OXR1: variants seen among roughly 807,000 people sequenced by gnomAD.
OXR1 encodes the protein oxidation resistance protein 1.
In OXR1, 41 loss-of-function variants were observed where a neutral mutation model predicts 104.6. The ratio of observed to expected loss-of-function variants is 0.39; its 90% CI spans 0.31 to 0.51. The LOEUF (loss-of-function observed/expected upper bound fraction) is 0.51, where lower values mean the gene tolerates loss of function less well. Ranked by LOEUF, OXR1 falls within the 20% of genes least tolerant of loss-of-function variation. The pLI is 0.77. For synonymous variants in OXR1, 348 were observed against 348.4 expected (o/e 1.00, Z 0.01); for missense variants, 955 against 1,031.9 (o/e 0.93, Z 1.02).
At chr8:106,433,588 T>C (rs747854646) in intron 2 of OXR1, among the ~76,000 whole-genome samples, 2 of 152,184 alleles carry the variant, frequency 1.3e-5, no homozygotes, top group Admixed American at 6.5e-5. Flanking sequence ...GTTCCGTCTA[T>C]GCCCAGGAAT....
chr8:106,654,449 A>C (rs1185077403), intron 3 of OXR1, among the ~76,000 whole-genome samples: 5 of 152,130 alleles, frequency 3.3e-5, no homozygotes, highest in Admixed American at 3.3e-4. Context: ...TCTTTTCAAT[A>C]AATGGTGCTG....
intron 2 of OXR1, among the ~76,000 whole-genome samples, chr8:106,453,925 C>A (rs1320733224): frequency 6.6e-6 from 1 of 152,134 alleles, no homozygotes; most frequent in Non-Finnish European, 1.5e-5. Context: ...AAGAAAAAAA[C>A]CTGCCAATTA....
intron 11 of OXR1, among the ~76,000 whole-genome samples, chr8:106,724,372 G>A (rs1449935570): frequency 6.6e-6 from 1 of 152,088 alleles, no homozygotes; most frequent in African/African-American, 2.4e-5. Context: ...TTAGCAATAT[G>A]TATTATAAAT....
At chr8:106,316,131 A>C (rs1813927411) in intron 1 of OXR1, among the ~76,000 whole-genome samples, 1 of 152,214 alleles carries the variant, frequency 6.6e-6, no homozygotes. Context: ...AACATTGGTA[A>C]CAGTATGTAG....
intron 3 of OXR1, among the ~76,000 whole-genome samples, chr8:106,640,883 C>A (rs1392616617): frequency 6.6e-6 from 1 of 152,086 alleles, no homozygotes; most frequent in East Asian, 1.9e-4. Flanking sequence ...TTTACTAGTT[C>A]CAAAATCAAA....
chr8:106,336,239 C>T (rs769381822), intron 1 of OXR1, among the ~76,000 whole-genome samples: 94 of 152,150 alleles, frequency 6.2e-4, no homozygotes, highest in Non-Finnish European at 1.1e-3. Context: ...GCAAAGTATA[C>T]GTTGTCAGTG....
intron 1 of OXR1, among the ~76,000 whole-genome samples, chr8:106,292,637 A>G (rs1409585731): frequency 6.6e-6 from 1 of 152,200 alleles, no homozygotes; most frequent in African/African-American, 2.4e-5. Context: ...GCTTTGAAGA[A>G]AACATATTCT....
At chr8:106,590,879 G>A (rs1222446843) in intron 3 of OXR1, among the ~76,000 whole-genome samples, 1 of 152,178 alleles carries the variant, frequency 6.6e-6, no homozygotes, top group Non-Finnish European at 1.5e-5. Context: ...CACCCCGATA[G>A]CCAGGTGTGC....
At chr8:106,698,646 G>A (rs1321845102) in intron 7 of OXR1, among the ~76,000 whole-genome samples, 1 of 150,614 alleles carries the variant, frequency 6.6e-6, no homozygotes, top group Admixed American at 6.6e-5. Context: ...TTTTTTTTCT[G>A]CCATGGCTAA....
At chr8:106,478,648 G>C (rs1203468279) in intron 2 of OXR1, among the ~76,000 whole-genome samples, 1 of 151,736 alleles carries the variant, frequency 6.6e-6, no homozygotes, top group Non-Finnish European at 1.5e-5. Flanking sequence ...TAGGATGACA[G>C]TTGGGTAAGT....
intron 3 of OXR1, among the ~76,000 whole-genome samples, chr8:106,596,840 G>A (rs967430811): frequency 9.9e-5 from 15 of 152,054 alleles, no homozygotes; most frequent in African/African-American, 3.6e-4. Flanking sequence ...GGATCATGAG[G>A]TCAGGAAATC....
chr8:106,631,946 A>G (rs560608425), intron 3 of OXR1, among the ~76,000 whole-genome samples: 1 of 152,296 alleles, frequency 6.6e-6, no homozygotes, highest in African/African-American at 2.4e-5. Flanking sequence ...AGTACAAAAA[A>G]TATACTAAAT....
intron 2 of OXR1, among the ~76,000 whole-genome samples, chr8:106,496,731 AC>A (rs1811438576): frequency 6.6e-6 from 1 of 152,264 alleles, no homozygotes; most frequent in South Asian, 2.1e-4. Context: ...CTATCAAGAT[AC>A]AGCAAGATCT....
chr8:106,706,609 C>G lies in OXR1; in HGVS notation c.1088C>G (p.Ser363Cys). The G allele has an allele frequency of 6.2e-7, 1 of 1,613,030 alleles. No individual in the cohort carries two copies. Among genetic ancestry groups the G allele is most frequent in the Non-Finnish European group, 8.5e-7 (1 of 1,179,748 alleles). ...GATGAACTGCGACAAGATAAATCTTCTGGTGCGTCATCAGAATCTGTGCAA... is the reference window on the plus strand; with the variant it reads ...GATGAACTGCGACAAGATAAATCTTGTGGTGCGTCATCAGAATCTGTGCAA... ...SSDELRQDKS[S>C]GASSESVQTV... Residue 363 changes from serine to cysteine, a missense_variant, in exon 9 of 17, where the codon TCT (serine) becomes TGT (cysteine). Physicochemically the swap from Ser to Cys is moderately radical, Grantham distance 112. Around this residue, in one of 2 missense-constraint regions of OXR1, gnomAD observed 849 missense variants for 852.9 expected, o/e 1.00. Transcript: ENST00000517566.
intron 11 of OXR1, among the ~76,000 whole-genome samples, chr8:106,732,850 T>TGTA (rs1834017814): frequency 6.6e-6 from 1 of 152,170 alleles, no homozygotes; most frequent in Non-Finnish European, 1.5e-5. Context: ...TTTTCTTTCT[T>TGTA]GTAAAGTTTT....
intron 2 of OXR1, among the ~76,000 whole-genome samples, chr8:106,398,402 T>G (rs1817868772): frequency 6.6e-6 from 1 of 152,166 alleles, no homozygotes; most frequent in Non-Finnish European, 1.5e-5. Flanking sequence ...GATTCCTGTT[T>G]GCAACAGGAT....
At chr8:106,586,060 AT>A (rs1277598592) in intron 3 of OXR1, among the ~76,000 whole-genome samples, 1 of 152,204 alleles carries the variant, frequency 6.6e-6, no homozygotes, top group Admixed American at 6.5e-5. Flanking sequence ...ATTTTGAGCA[AT>A]GATTTGGCAA....
At chr8:106,503,607 G>A (rs1446731672) in intron 2 of OXR1, among the ~76,000 whole-genome samples, 2 of 152,172 alleles carry the variant, frequency 1.3e-5, no homozygotes, top group African/African-American at 2.4e-5. Flanking sequence ...GGAAACAATG[G>A]CTTAGACTTT....
chr8:106,741,319 G>A (rs1426065233), intron 14 of OXR1, among the ~76,000 whole-genome samples: 1 of 152,048 alleles, frequency 6.6e-6, no homozygotes, highest in Non-Finnish European at 1.5e-5. Context: ...TTATCAGTGG[G>A]CCAAATGAAT....
Sources: allele counts gnomAD v4.1 joint callset (sites outside exome capture counted in the v4.1 genomes callset), GRCh38; gene constraint gnomAD v4.1.1; regional missense constraint gnomAD v4.1.1; transcripts MANE v1.5; gene names NCBI Gene and HGNC (gene_info 2026-07-23, HGNC 2026-07-21).